Variants in TNFAIP8L3 observed in about 807,000 individuals in gnomAD.
The protein encoded by TNFAIP8L3 is TNF alpha induced protein 8 like 3, also known as tumor necrosis factor alpha-induced protein 8-like protein 3.
In TNFAIP8L3, 7 loss-of-function variants were observed where a neutral mutation model predicts 11.8. The observed-to-expected ratio is 0.59, with a 90% CI of 0.34 to 1.11. The LOEUF (loss-of-function observed/expected upper bound fraction) is 1.11, where lower values mean the gene tolerates loss of function less well. Among genes scored for constraint, TNFAIP8L3 ranks in the 50% most tolerant of loss-of-function variants. The probability of loss-of-function intolerance (pLI) is 0.03; values close to 1 mark genes in which losing one functional copy is unlikely to be tolerated. For missense variants in TNFAIP8L3, 219 were observed against 258.6 expected, an observed-to-expected ratio of 0.85 and a Z score of 1.05; for synonymous variants, 98 against 103.8, an observed-to-expected ratio of 0.94 and a Z score of 0.34.
intron 1 of TNFAIP8L3, among the ~76,000 whole-genome samples, chr15:51,087,919 T>TTATATA (rs6145560): frequency 0.04 from 4,086 of 101,452 alleles, 587 homozygotes; most frequent in South Asian, 0.094. Context: ...TAGCATACCT[T>TTATATA]TATATATATA....
chr15:51,086,575 G>A (rs756725915), intron 1 of TNFAIP8L3, among the ~76,000 whole-genome samples: 2 of 152,182 alleles, frequency 1.3e-5, no homozygotes, highest in Non-Finnish European at 2.9e-5. Context: ...CAAGAGAAGA[G>A]TCTCTGGAGT....
intron 1 of TNFAIP8L3, among the ~76,000 whole-genome samples, chr15:51,073,358 A>C (rs1247642321): frequency 6.6e-6 from 1 of 152,182 alleles, no homozygotes; most frequent in African/African-American, 2.4e-5. Context: ...CTCTCCATTT[A>C]GTCATATCTT....
chr15:51,081,383 A>T (rs902945676), intron 1 of TNFAIP8L3, among the ~76,000 whole-genome samples: 1 of 152,150 alleles, frequency 6.6e-6, no homozygotes, highest in African/African-American at 2.4e-5. Flanking sequence ...AAAAGAGGCT[A>T]CCCTCCAGGT....
intron 1 of TNFAIP8L3, among the ~76,000 whole-genome samples, chr15:51,075,493 A>T (rs2065343524): frequency 6.6e-6 from 1 of 152,132 alleles, no homozygotes; most frequent in Admixed American, 6.5e-5. Context: ...AGCACAGTCC[A>T]CGTTCTGTCT....
At chr15:51,082,955 A>C (rs2065402934) in intron 1 of TNFAIP8L3, among the ~76,000 whole-genome samples, 1 of 152,222 alleles carries the variant, frequency 6.6e-6, no homozygotes, top group Admixed American at 6.5e-5. Context: ...CATTTTTCAT[A>C]ATATAAACCA....
chr15:51,080,848 C>A (rs1382970496), intron 1 of TNFAIP8L3, among the ~76,000 whole-genome samples: 3 of 152,216 alleles, frequency 2.0e-5, no homozygotes, highest in Admixed American at 2.0e-4. Context: ...ATGATAAAGT[C>A]ATTTTTTGGT....
upstream of TNFAIP8L3, among the ~76,000 whole-genome samples, chr15:51,099,722 G>T (rs1478218126): frequency 6.6e-6 from 1 of 152,184 alleles, no homozygotes; most frequent in Non-Finnish European, 1.5e-5. Context: ...GTTGAGCTCT[G>T]CCCAGTGCCT....
intron 1 of TNFAIP8L3, among the ~76,000 whole-genome samples, chr15:51,087,350 C>T (rs948454565): frequency 2.0e-4 from 30 of 152,154 alleles, no homozygotes; most frequent in African/African-American, 6.8e-4. Flanking sequence ...TATTTGACTT[C>T]GTATTTGCCC....
chr15:51,093,594 C>A (rs2065488188), intron 1 of TNFAIP8L3, among the ~76,000 whole-genome samples: 1 of 152,132 alleles, frequency 6.6e-6, no homozygotes. Flanking sequence ...GGGCCGCGGT[C>A]TGTACAGGAG....
At chr15:51,061,621 T>C (rs200142173) in intron 1 of TNFAIP8L3, among the ~76,000 whole-genome samples, 1 of 152,178 alleles carries the variant, frequency 6.6e-6, no homozygotes, top group East Asian at 1.9e-4. Context: ...TTTAACTTCA[T>C]GTATGTGCTT....
intron 1 of TNFAIP8L3, among the ~76,000 whole-genome samples, chr15:51,073,738 C>T (rs2140970660): frequency 6.6e-6 from 1 of 152,318 alleles, no homozygotes; most frequent in East Asian, 1.9e-4. Context: ...GCATCCTGGT[C>T]TTGTTCCTAA....
At chr15:51,079,572 G>A (rs1184596670) in intron 1 of TNFAIP8L3, among the ~76,000 whole-genome samples, 1 of 152,068 alleles carries the variant, frequency 6.6e-6, no homozygotes, top group Admixed American at 6.6e-5. Context: ...CTCCAACCAG[G>A]GGCCTGAGAC....
chr15:51,058,168 T>C lies in TNFAIP8L3; in HGVS notation c.328A>G (p.Lys110Glu). 6.2e-7 allele frequency: 1 copy of C among 1,614,220 alleles called. No individual in the cohort carries two copies. The highest frequency in any genetic ancestry group is 1.1e-5 in the South Asian group (1 of 91,086). ...GTCATGGCGGTCTGGTTCAGCTTCTTCCGGAACTTCTCCACAATAACCAGC... is the reference window on the plus strand; with the variant it reads ...GTCATGGCGGTCTGGTTCAGCTTCTCCCGGAACTTCTCCACAATAACCAGC... ...EELVIVEKFR[K>E]KLNQTAMTIV... Residue 110 changes from lysine (K) to glutamate (E), a missense_variant, in exon 2 of 2, where the codon AAG becomes GAG. Coordinates refer to ENST00000637513, the MANE Select transcript of TNFAIP8L3 (RefSeq NM_001311175.2).
At chr15:51,068,932 T>C (rs2065290313) in intron 1 of TNFAIP8L3, among the ~76,000 whole-genome samples, 1 of 152,116 alleles carries the variant, frequency 6.6e-6, no homozygotes. Flanking sequence ...CCCAAAGTGC[T>C]GGGATTACAG....
intron 1 of TNFAIP8L3, among the ~76,000 whole-genome samples, chr15:51,075,776 T>C (rs1276107692): frequency 1.3e-5 from 2 of 152,254 alleles, no homozygotes. Context: ...CAAACTCGTC[T>C]ATCTTGGAAA....
Position 51,058,363 on chromosome 15 carries a change from CCA to C in TNFAIP8L3, c.131_132del (p.Val44GlyfsTer6), listed in dbSNP as rs746626331. ...CTGGTGTCATCAATCAACATGTTGG[CCA>C]CAGTTTTGCTGGCTATTTTGCTCAG... ...KILSKIASKTVANMLIDDTSS... is the reference protein window; with the variant it reads ...KILSKIASKTXANMLIDDTSS... On this transcript the variant is annotated frameshift_variant, in exon 2 of 2. Transcript: ENST00000637513. LOFTEE classifies it high-confidence loss of function. 1 of 1,614,050 alleles carries C rather than the reference CCA, an allele frequency of 6.2e-7. No individual in the cohort carries two copies. Among genetic ancestry groups the C allele is most frequent in the South Asian group, 1.1e-5 (1 of 91,068 alleles).
At position 51,094,623 on chromosome 15, in the gene TNFAIP8L3, G is replaced by A; in HGVS notation, c.-28C>T. The A allele has an allele frequency of 6.9e-7, 1 of 1,458,124 alleles. No individual in the cohort carries two copies. The highest frequency in any genetic ancestry group is 2.4e-5 in the Admixed American group (1 of 41,600). 90.3% of individuals were successfully genotyped at this position (1,458,124 alleles called of 1,614,324 possible). On this transcript the variant is annotated 5_prime_UTR_variant, in exon 1 of 2. Transcript: ENST00000637513. This position sits in a 1 kb window ranked among gnomAD's most constrained non-coding sequence, Gnocchi z 4.4. ...TGCGGGCTGCTGGCTGGGCGTCCAC[G>A]GCCACCCGCCCGTCTGCGGGGCGCT...
At chr15:51,081,441 C>T (rs143838513) in intron 1 of TNFAIP8L3, among the ~76,000 whole-genome samples, 1 of 152,296 alleles carries the variant, frequency 6.6e-6, no homozygotes, top group African/African-American at 2.4e-5. Flanking sequence ...CTCAGTGACT[C>T]ATGAGAGAAT....
Position 51,094,520 on chromosome 15 carries a change from TG to T in TNFAIP8L3, c.52+23del. ...CCTCCCCAGCCCCAGCCCACCCGCC[TG>T]GGCCGTCGCGGCCCCTAGGTACCTG... On this transcript the variant is annotated intron_variant, in intron 1 of 1. Transcript: ENST00000637513. The surrounding 1 kb of genome is among the most constrained non-coding windows in gnomAD (Gnocchi z 4.4). The T allele has an allele frequency of 6.8e-7, 1 of 1,464,052 alleles. No individual in the cohort carries two copies. Among genetic ancestry groups the T allele is most frequent in the Non-Finnish European group, 9.0e-7 (1 of 1,108,274 alleles). The allele number at this position is 1,464,052 out of a possible 1,614,324, so 90.7% of individuals were successfully genotyped here.
Sources: allele counts gnomAD v4.1 joint callset (sites outside exome capture counted in the v4.1 genomes callset), GRCh38; gene constraint gnomAD v4.1.1; non-coding constraint Gnocchi (gnomAD v3.1); transcripts MANE v1.5; gene names NCBI Gene and HGNC (gene_info 2026-07-23, HGNC 2026-07-21).